STAG1: variants seen among roughly 807,000 people sequenced by gnomAD.
The protein encoded by STAG1 is STAG1 cohesin complex component.
Under a neutral mutation model 170.9 loss-of-function variants are expected in STAG1, and 26 were observed. The ratio of observed to expected loss-of-function variants is 0.15; its 90% confidence interval spans 0.11 to 0.21. STAG1 has a LOEUF of 0.21. Ranked by LOEUF, STAG1 falls within the 10% of genes least tolerant of loss-of-function variation. The probability of loss-of-function intolerance (pLI) is 1.00; values close to 1 mark genes in which losing one functional copy is unlikely to be tolerated. For missense variants in STAG1, 964 were observed against 1,509.5 expected, an observed-to-expected ratio of 0.64 and a Z score of 5.99; for synonymous variants, 514 against 497.7, an observed-to-expected ratio of 1.03 and a Z score of -0.44.
intron 5 of STAG1, among the ~76,000 whole-genome samples, chr3:136,559,467 C>T (rs1040205355): frequency 6.6e-6 from 1 of 152,082 alleles, no homozygotes; most frequent in Non-Finnish European, 1.5e-5. Context: ...AATTAAGCTC[C>T]TTGAGAAACT....
Position 136,551,244 on chromosome 3 carries a change from AGAGAGAGAGAGAGAGAGG to A in STAG1, c.395-9067_395-9050del, listed in dbSNP as rs1287452072. Among the ~76,000 whole-genome samples, 66 of 139,534 alleles carry A rather than the reference AGAGAGAGAGAGAGAGAGG, an allele frequency of 4.7e-4. 1 individual carries two copies. Among genetic ancestry groups the A allele is most frequent in the African/African-American group, 1.5e-3 (59 of 38,696 alleles). The allele number at this position is 139,534 out of a possible 152,430, so 91.5% of individuals were successfully genotyped here. A position where few individuals can be genotyped will look rare whatever the true frequency, so the allele number is the denominator to read the frequency against. ...GAGAGAGAGAGAGAGAGAGAGAGAGAGAGAGAGAGAGAGAGAGGGAGAGCGAGAGAGCGTGCTCTGTTG... is the reference window on the plus strand; with the variant it reads ...GAGAGAGAGAGAGAGAGAGAGAGAGAGAGAGCGAGAGAGCGTGCTCTGTTG... On this transcript the variant is annotated intron_variant, in intron 5 of 33. Transcript: ENST00000383202.
At chr3:136,654,547 C>T (rs546735888) in intron 1 of STAG1, among the ~76,000 whole-genome samples, 3 of 152,132 alleles carry the variant, frequency 2.0e-5, no homozygotes, top group South Asian at 2.1e-4. Context: ...TTAAATGTAT[C>T]AATACTACCA....
intron 1 of STAG1, among the ~76,000 whole-genome samples, chr3:136,697,833 G>T (rs1942943403): frequency 6.6e-6 from 1 of 152,120 alleles, no homozygotes; most frequent in Admixed American, 6.5e-5. Flanking sequence ...TACATTCCCA[G>T]GAAGTGTATC....
intron 6 of STAG1, among the ~76,000 whole-genome samples, chr3:136,541,539 C>T (rs1403943813): frequency 3.1e-5 from 1 of 32,152 alleles, no homozygotes; most frequent in Non-Finnish European, 6.1e-5. Context: ...GCTTAACATT[C>T]ACACACACAC....
At chr3:136,432,501 T>C (rs1478662906) in intron 16 of STAG1, among the ~76,000 whole-genome samples, 1 of 57,404 alleles carries the variant, frequency 1.7e-5, no homozygotes, top group Non-Finnish European at 3.9e-5. Context: ...TTAATTTTTG[T>C]TTTCTTTTTT....
At chr3:136,616,259 A>C (rs1302118244) in intron 3 of STAG1, among the ~76,000 whole-genome samples, 1 of 137,034 alleles carries the variant, frequency 7.3e-6, no homozygotes, top group Admixed American at 7.1e-5. Flanking sequence ...ACAGAGCAAG[A>C]CTCCGTCTCA....
rs59437895 is a variant in STAG1 at position 136,336,644 on chromosome 3, C to CCTAA, written c.*1606_*1609dup. On this transcript the variant is annotated 3_prime_UTR_variant, in exon 34 of 34. Coordinates refer to ENST00000383202, the MANE Select transcript of STAG1 (RefSeq NM_005862.3). ...TGGGAGAAAGTGAGGCCCCAGCTCC[C>CCTAA]CTAACTGGAGCCCAAGAATTGCTGA... The CCTAA allele has an allele frequency of 0.049, 7,471 of 152,274 alleles. 224 individuals are homozygous for CCTAA. The highest frequency in any genetic ancestry group is 0.13 in the East Asian group (697 of 5,180). 9.4% of individuals were successfully genotyped at this position (152,274 alleles called of 1,614,324 possible).
At chr3:136,718,318 T>C (rs1178513882) in intron 1 of STAG1, among the ~76,000 whole-genome samples, 1 of 152,128 alleles carries the variant, frequency 6.6e-6, no homozygotes, top group Non-Finnish European at 1.5e-5. Flanking sequence ...GAGGAGGCAA[T>C]AAACTATTTT....
chr3:136,375,663 G>C (rs200199727), intron 23 of STAG1, among the ~76,000 whole-genome samples: 3 of 152,028 alleles, frequency 2.0e-5, no homozygotes, highest in Non-Finnish European at 4.4e-5. Context: ...AGAAACACTG[G>C]ATTTGGGGTT....
intron 1 of STAG1, among the ~76,000 whole-genome samples, chr3:136,674,889 T>C (rs1942085914): frequency 2.0e-5 from 3 of 152,038 alleles, no homozygotes; most frequent in African/African-American, 7.2e-5. Context: ...ACATGTAGAG[T>C]AGAGAACTTT....
At chr3:136,509,772 T>C (rs189917734) in intron 7 of STAG1, among the ~76,000 whole-genome samples, 5 of 152,320 alleles carry the variant, frequency 3.3e-5, no homozygotes, top group Non-Finnish European at 5.9e-5. Flanking sequence ...ACCCTTTTAA[T>C]CAATAACCAA....
chr3:136,690,857 T>C (rs1335269999), intron 1 of STAG1, among the ~76,000 whole-genome samples: 4 of 151,786 alleles, frequency 2.6e-5, no homozygotes, highest in Middle Eastern at 3.4e-3. Context: ...TTTGGTGGAT[T>C]TGACTAGTAG....
chr3:136,720,725 G>T (rs925760825), intron 1 of STAG1, among the ~76,000 whole-genome samples: 13 of 152,098 alleles, frequency 8.5e-5, no homozygotes, highest in Admixed American at 3.9e-4. Flanking sequence ...GGAGGCGGAG[G>T]TTGCAGTGAG....
At chr3:136,638,140 T>A (rs1940648824) in intron 1 of STAG1, among the ~76,000 whole-genome samples, 1 of 151,766 alleles carries the variant, frequency 6.6e-6, no homozygotes, top group Non-Finnish European at 1.5e-5. Flanking sequence ...CTTTTTTTTT[T>A]TTTGAGACAG....
At chr3:136,460,505 G>C (rs1208189074) in intron 13 of STAG1, among the ~76,000 whole-genome samples, 1 of 152,100 alleles carries the variant, frequency 6.6e-6, no homozygotes, top group Non-Finnish European at 1.5e-5. Flanking sequence ...GAGAGGCTGA[G>C]GCAGTAGAAT....
chr3:136,702,166 AGAATG>A (rs1943102306), intron 1 of STAG1, among the ~76,000 whole-genome samples: 2 of 81,758 alleles, frequency 2.4e-5, no homozygotes, highest in African/African-American at 2.7e-4. Flanking sequence ...AGAGAGAATG[AGAATG>A]TGGTGTGTGT....
At chr3:136,503,863 G>A (rs1250870750) in intron 7 of STAG1, among the ~76,000 whole-genome samples, 1 of 152,058 alleles carries the variant, frequency 6.6e-6, no homozygotes, top group Non-Finnish European at 1.5e-5. Context: ...AGCCTCCGGA[G>A]TAGCTGGGAT....
intron 1 of STAG1, among the ~76,000 whole-genome samples, chr3:136,718,810 C>T (rs1933025560): frequency 6.6e-6 from 1 of 151,916 alleles, no homozygotes; most frequent in East Asian, 1.9e-4. Context: ...GCCTGTAATC[C>T]CAGCTACTCG....
intron 1 of STAG1, among the ~76,000 whole-genome samples, chr3:136,677,077 C>G (rs1942148972): frequency 1.3e-5 from 2 of 152,132 alleles, no homozygotes; most frequent in Non-Finnish European, 2.9e-5. Flanking sequence ...CTGCCAGAGA[C>G]TGTTTTACAG....
Sources: allele counts gnomAD v4.1 joint callset (sites outside exome capture counted in the v4.1 genomes callset), GRCh38; gene constraint gnomAD v4.1.1; transcripts MANE v1.5; gene names NCBI Gene and HGNC (gene_info 2026-07-23, HGNC 2026-07-21).